The following B4GALNT2 variants were observed in gnomAD, a reference collection of about 807,000 sequenced individuals.
The protein encoded by B4GALNT2 is N-acetylneuraminylgalactosylglucosyl-glucoside beta-1,4-N- acetylgalactosaminyltransferase 2.
Under a neutral mutation model 51.1 loss-of-function variants are expected in B4GALNT2, and 42 were observed. The observed-to-expected ratio is 0.82, with a 90% confidence interval of 0.64 to 1.06. The LOEUF is 1.06. Among genes scored for constraint, B4GALNT2 ranks in the 50% least tolerant of loss-of-function variants. The pLI is 0.00. For synonymous variants in B4GALNT2, 253 were observed against 251.7 expected, an observed-to-expected ratio of 1.01 and a Z score of -0.05; for missense variants, 602 against 633.6, an observed-to-expected ratio of 0.95 and a Z score of 0.54.
the B4GALNT2 span, among the ~76,000 whole-genome samples, chr17:49,121,391 A>G: frequency 3.3e-5 from 5 of 152,226 alleles, no homozygotes; most frequent in Non-Finnish European, 7.3e-5. Flanking sequence ...TAGCTTAATC[A>G]GTCTTTCAGG....
intron 1 of B4GALNT2, among the ~76,000 whole-genome samples, chr17:49,136,534 A>G (rs1399010448): frequency 2.0e-5 from 3 of 150,258 alleles, no homozygotes; most frequent in African/African-American, 7.4e-5. Flanking sequence ...TTATTTATTT[A>G]TTTATTTATT....
At chr17:49,132,694 C>A (rs551928556), upstream of B4GALNT2, 905 of 1,342,430 alleles carry the variant, frequency 6.7e-4, 7 homozygotes, top group African/African-American at 0.013. Flanking sequence ...CTGCCCTACT[C>A]GCCGAGAATT....
intron 4 of B4GALNT2, among the ~76,000 whole-genome samples, chr17:49,155,470 C>G (rs1024047821): frequency 6.6e-6 from 1 of 150,608 alleles, no homozygotes; most frequent in African/African-American, 2.4e-5. Context: ...AATGTGGTGG[C>G]TCACACCTGT....
Position 49,169,694 on chromosome 17 carries a change from A to G in B4GALNT2, c.1487A>G (p.His496Arg), listed in dbSNP as rs1160526609. The change falls in exon 11 of 11, where the codon CAC becomes CGC. Residue 496 changes from histidine (H) to arginine (R), a missense_variant. Physicochemically the swap from His to Arg is conservative, Grantham distance 29. Coordinates refer to ENST00000393354, the MANE Select transcript of B4GALNT2 (RefSeq NM_001159387.2). ...CGGGTCCAGTTCAAGCTGGCCCTCC[A>G]CTACTTCAAGAACCATCTCCAATGT... ...LTRVQFKLAL[H>R]YFKNHLQCAA 8 of 1,598,960 alleles carry G rather than the reference A, an allele frequency of 5.0e-6. No homozygotes were observed. Among genetic ancestry groups the G allele is most frequent in the African/African-American group, 2.7e-5 (2 of 74,692 alleles).
In B4GALNT2 at chr17:49,141,416, C is replaced by A. The variant is rs751110425; in HGVS notation, c.184C>A (p.Leu62Ile). ...QKLKLLPEER[L>I]RNLFSYDGIW... ...GCTGAAGCTTCTGCCTGAGGAACGT[C>A]TCAGGAACCTCTTTTCCTACGATGG... The change falls in exon 2 of 11, where the codon CTC becomes ATC. Residue 62 changes from leucine to isoleucine, a missense_variant. Leu to Ile is a conservative substitution (Grantham distance 5). Transcript: ENST00000393354. The A allele has an allele frequency of 2.5e-6, 4 of 1,614,052 alleles. No individual in the cohort carries two copies.
chr17:49,150,673 T>C (rs1340018313), intron 3 of B4GALNT2, among the ~76,000 whole-genome samples: 1 of 151,364 alleles, frequency 6.6e-6, no homozygotes, highest in East Asian at 2.0e-4. Flanking sequence ...CAGGGTTAAA[T>C]GGATTAAGGG....
chr17:49,174,594 A>AT lies in B4GALNT2; in HGVS notation c.*4872dup, dbSNP rs534947325. 1 of 152,106 alleles carries AT rather than the reference A, an allele frequency of 6.6e-6. No individual in the cohort carries two copies. Among genetic ancestry groups the AT allele is most frequent in the African/African-American group, 2.4e-5 (1 of 41,418 alleles). The allele number at this position is 152,106 out of a possible 1,614,324, so 9.4% of individuals were successfully genotyped here. Reference sequence around the variant, plus strand: ...TCAGTTAACAGTCTCCATGTACCTGATTTTTTCTTAATTATAAAAACTGGA... The same window carrying AT: ...TCAGTTAACAGTCTCCATGTACCTGATTTTTTTCTTAATTATAAAAACTGGA... On this transcript the variant is annotated 3_prime_UTR_variant, in exon 11 of 11. Transcript: ENST00000393354.
intron 2 of B4GALNT2, 102 bp downstream of exon 2, chr17:49,141,549 T>C (rs1262581347): frequency 1.6e-6 from 2 of 1,277,406 alleles, no homozygotes; most frequent in South Asian, 2.6e-5. Context: ...ATGGTTCCCT[T>C]GCTTTCCTAA....
In B4GALNT2 at chr17:49,168,699, G is replaced by A; in HGVS notation, c.1114G>A (p.Gly372Arg). The A allele has an allele frequency of 6.2e-7, 1 of 1,613,904 alleles. No homozygotes were observed. Among genetic ancestry groups the A allele is most frequent in the South Asian group, 1.1e-5 (1 of 90,986 alleles). Reference protein sequence around the residue: ...ELDVVGGSVLGNVFQFKLLLE... With the variant: ...ELDVVGGSVLRNVFQFKLLLE... ...TGGCTAGGTAGGCGGCAGTGTGCTG[G>A]GAAATGTGTTCCAGTTTAAGTTGTT... is the stretch of plus-strand genomic sequence containing the variant. Residue 372 changes from glycine to arginine, a missense_variant, in exon 10 of 11, where the codon GGA becomes AGA. Physicochemically the swap from Gly to Arg is moderately radical, Grantham distance 125. Transcript: ENST00000393354.
chr17:49,156,854 G>A (rs148015203), intron 5 of B4GALNT2, among the ~76,000 whole-genome samples: 239 of 152,364 alleles, frequency 1.6e-3, no homozygotes, highest in African/African-American at 5.3e-3. Flanking sequence ...TGGTGCAAGA[G>A]GAAGCGGCCA....
rs34568226 is a variant in B4GALNT2, at chr17:49,162,912, C to CAAAAAAAAAAAAAAAAAAAAA, written c.767-1173_767-1153dup. On this transcript the variant is annotated intron_variant, in intron 7 of 10. Coordinates refer to ENST00000393354, the MANE Select transcript of B4GALNT2 (RefSeq NM_001159387.2). ...TGGGTGACAGAGCCAGAAACTGTCT[C>CAAAAAAAAAAAAAAAAAAAAA]AAAAAAAAAAAAAAAAAAAAAAAGG... 3.7e-5 allele frequency among the ~76,000 whole-genome samples: 2 copies of CAAAAAAAAAAAAAAAAAAAAA among 53,622 alleles called. 1 individual carries two copies. The highest frequency in any genetic ancestry group is 6.2e-5 in the Non-Finnish European group (2 of 32,512). 35.2% of individuals were successfully genotyped at this position (53,622 alleles called of 152,430 possible). A position where few individuals can be genotyped will look rare whatever the true frequency, so the allele number is the denominator to read the frequency against.
rs948182459 is a variant in B4GALNT2 at position 49,174,424 on chromosome 17, G to C, written c.*4696G>C. Reference sequence around the variant, plus strand: ...GAATTGTAAATGCAAACCATTCACAGTCCTGCTCAGCTAAGGGGATAGTAA... The same window carrying C: ...GAATTGTAAATGCAAACCATTCACACTCCTGCTCAGCTAAGGGGATAGTAA... On this transcript the variant is annotated 3_prime_UTR_variant, in exon 11 of 11. Coordinates refer to ENST00000393354, the MANE Select transcript of B4GALNT2 (RefSeq NM_001159387.2). The C allele has an allele frequency of 2.6e-5, 4 of 152,192 alleles. No homozygotes were observed. The East Asian group carries it at 7.7e-4, about 29-fold the overall frequency. 9.4% of individuals were successfully genotyped at this position (152,192 alleles called of 1,614,324 possible). A position where few individuals can be genotyped will look rare whatever the true frequency, so the allele number is the denominator to read the frequency against.
chr17:49,133,064 G>A (rs748810310), intron 1 of B4GALNT2: 9 of 1,504,628 alleles, frequency 6.0e-6, no homozygotes, highest in Non-Finnish European at 6.2e-6. Flanking sequence ...AATTCCACGT[G>A]GAAGTGGCCT....
chr17:49,136,155 T>C (rs2042588539), intron 1 of B4GALNT2, among the ~76,000 whole-genome samples: 1 of 151,756 alleles, frequency 6.6e-6, no homozygotes, highest in Admixed American at 6.6e-5. Flanking sequence ...TAAATTACTA[T>C]AGAGCAAAGT....
At chr17:49,148,530 G>T in intron 3 of B4GALNT2, 1 of 366,058 alleles carries the variant, frequency 2.7e-6, no homozygotes, top group Non-Finnish European at 5.4e-6. Flanking sequence ...GTGGCATAAG[G>T]TGGCAAGCAC....
In B4GALNT2 at chr17:49,152,904, C is replaced by T. The variant is rs892333271; in HGVS notation, c.458C>T (p.Pro153Leu). The change falls in exon 4 of 11, where the codon CCA becomes CTA. Residue 153 changes from proline to leucine, a missense_variant and splice_region_variant. Transcript: ENST00000393354. The part of the protein sequence containing the change: ...EVMPLHTVPI[P>L]GLQFEGPDAP... Reference sequence around the variant, plus strand: ...ATGCCCCTGCACACGGTTCCCATCCCAGGTAAGTACATCCACATACCAAGA... The same window carrying T: ...ATGCCCCTGCACACGGTTCCCATCCTAGGTAAGTACATCCACATACCAAGA... The T allele has an allele frequency of 6.2e-7, 1 of 1,604,928 alleles. No homozygotes were observed. The highest frequency in any genetic ancestry group is 1.7e-5 in the Admixed American group (1 of 59,462).
intron 1 of B4GALNT2, 123 bp downstream of exon 1, chr17:49,132,929 G>A: frequency 7.2e-7 from 1 of 1,380,024 alleles, no homozygotes; most frequent in South Asian, 1.8e-5. Context: ...GAGCCAGGGA[G>A]CGGGCGGTTG....
chr17:49,148,936 G>T (rs930692533), intron 3 of B4GALNT2: 8 of 168,116 alleles, frequency 4.8e-5, no homozygotes, highest in African/African-American at 1.9e-4. Flanking sequence ...TGTGCCTGTA[G>T]TCCCAGCTAC....
chr17:49,169,048 A>T, intron 10 of B4GALNT2, 148 bp downstream of exon 10: 3 of 807,140 alleles, frequency 3.7e-6, no homozygotes, highest in Admixed American at 2.8e-5. Context: ...TTCTCCCCAG[A>T]CTAGGGAGCT....
Sources: gnomAD v4.1 joint callset for allele counts (sites outside exome capture counted in the v4.1 genomes callset) on GRCh38, gnomAD v4.1.1 for gene constraint, MANE v1.5 for transcripts, NCBI Gene and HGNC (gene_info 2026-07-23, HGNC 2026-07-21) for gene names.